The following MYT1L variants were observed in gnomAD, a reference collection of about 807,000 sequenced individuals.
MYT1L encodes the protein myelin transcription factor 1 like.
MYT1L carries 12 observed loss-of-function variants against 126.7 expected under a neutral mutation model. The observed-to-expected ratio is 0.09, with a 90% CI of 0.06 to 0.15. The LOEUF is 0.15. MYT1L is among the 10% of genes least tolerant of loss of function. The pLI is 1.00. For missense variants in MYT1L, 979 were observed against 1,585.2 expected, an observed-to-expected ratio of 0.62 and a Z score of 6.49; for synonymous variants, 541 against 604.2, an observed-to-expected ratio of 0.90 and a Z score of 1.53.
intron 19 of MYT1L, among the ~76,000 whole-genome samples, chr2:1,846,849 C>T (rs1023438903): frequency 6.6e-6 from 1 of 152,200 alleles, no homozygotes; most frequent in Non-Finnish European, 1.5e-5. Flanking sequence ...ACAAGGTTCC[C>T]AAGGCCCCCT....
chr2:2,205,796 C>G (rs1204843861), intron 2 of MYT1L, among the ~76,000 whole-genome samples: 3 of 152,220 alleles, frequency 2.0e-5, no homozygotes, highest in African/African-American at 7.2e-5. Flanking sequence ...CATCCCCCTT[C>G]TCTTCACATA....
chr2:1,884,820 C>A (rs1369476946), intron 18 of MYT1L, among the ~76,000 whole-genome samples: 2 of 152,228 alleles, frequency 1.3e-5, no homozygotes, highest in African/African-American at 4.8e-5. Flanking sequence ...CCCATGCGCA[C>A]CCTGCCCTGG....
chr2:2,222,434 T>C (rs1288061067), intron 2 of MYT1L, among the ~76,000 whole-genome samples: 1 of 151,958 alleles, frequency 6.6e-6, no homozygotes, highest in Non-Finnish European at 1.5e-5. Context: ...AGGCAGAGGT[T>C]GCAGTGAGAC....
intron 3 of MYT1L, among the ~76,000 whole-genome samples, chr2:2,127,349 T>C (rs368492760): frequency 2.6e-4 from 40 of 152,324 alleles, no homozygotes; most frequent in African/African-American, 9.4e-4. Flanking sequence ...GCCTCCTCGG[T>C]AAAGACAACA....
intron 23 of MYT1L, among the ~76,000 whole-genome samples, chr2:1,798,055 G>A (rs1171025140): frequency 1.6e-5 from 1 of 63,908 alleles, no homozygotes; most frequent in Non-Finnish European, 3.1e-5. Flanking sequence ...CCCCTTCTCC[G>A]GCACAGGCGC....
chr2:2,055,119 C>T (rs948352504), intron 3 of MYT1L, among the ~76,000 whole-genome samples: 4 of 152,242 alleles, frequency 2.6e-5, no homozygotes, highest in Admixed American at 6.5e-5. Context: ...AAAAAATACA[C>T]AAAACTATAT....
chr2:1,887,607 T>A lies in MYT1L; in HGVS notation c.2523A>T (p.Pro841=). 6.2e-7 allele frequency: 1 copy of A among 1,614,016 alleles called. No individual in the cohort carries two copies. The highest frequency in any genetic ancestry group is 8.5e-7 in the Non-Finnish European group (1 of 1,179,892). The part of the protein sequence containing the change: ...IDEDESKDIT[P]EDLDPFQEAL... ...CCTCCTGGAATGGGTCCAAGTCTTC[T>A]GGCTGTGGGCAAAACACAGCTTCAG... The change falls in exon 17 of 25, where the codon CCA becomes CCT. Residue 841 remains proline (P), a splice_region_variant and synonymous_variant. Coordinates refer to ENST00000647738, the MANE Select transcript of MYT1L (RefSeq NM_001303052.2). This position sits in a 1 kb window ranked among gnomAD's most constrained non-coding sequence, Gnocchi z 4.8.
intron 21 of MYT1L, among the ~76,000 whole-genome samples, chr2:1,838,032 C>T (rs1341675657): frequency 6.6e-6 from 1 of 152,068 alleles, no homozygotes; most frequent in African/African-American, 2.4e-5. Context: ...CTGCCTCAGC[C>T]TCCCGAGTAG....
intron 2 of MYT1L, among the ~76,000 whole-genome samples, chr2:2,202,110 A>G (rs1220399904): frequency 6.6e-6 from 1 of 152,116 alleles, no homozygotes; most frequent in Non-Finnish European, 1.5e-5. Context: ...TCTCTGGGAC[A>G]CATTCAAAGC....
intron 4 of MYT1L, among the ~76,000 whole-genome samples, chr2:2,009,188 T>C (rs1184025038): frequency 1.3e-5 from 2 of 152,012 alleles, no homozygotes; most frequent in African/African-American, 4.8e-5. Flanking sequence ...TGGAGTTTTT[T>C]GTGGTTCTAC....
At chr2:1,905,794 A>G (rs1451366792) in intron 13 of MYT1L, among the ~76,000 whole-genome samples, 1 of 152,256 alleles carries the variant, frequency 6.6e-6, no homozygotes, top group African/African-American at 2.4e-5. Flanking sequence ...ACAAACGTGT[A>G]CTGTTTAGGA....
chr2:2,154,664 C>G (rs529304982), intron 3 of MYT1L, among the ~76,000 whole-genome samples: 139 of 152,240 alleles, frequency 9.1e-4, no homozygotes, highest in Non-Finnish European at 1.8e-3. Context: ...ACAAAAGACA[C>G]TGAGGCCTTC....
intron 9 of MYT1L, among the ~76,000 whole-genome samples, chr2:1,924,622 C>T (rs1196180820): frequency 6.6e-6 from 1 of 152,166 alleles, no homozygotes; most frequent in African/African-American, 2.4e-5. Flanking sequence ...CTTATTATCC[C>T]ACGCTGAAGG....
intron 2 of MYT1L, among the ~76,000 whole-genome samples, chr2:2,221,648 G>T (rs2148988528): frequency 6.6e-6 from 1 of 152,306 alleles, no homozygotes; most frequent in East Asian, 1.9e-4. Context: ...GGCTCCCTCA[G>T]GTCCATTACC....
intron 4 of MYT1L, among the ~76,000 whole-genome samples, chr2:2,042,153 A>G (rs1357647976): frequency 6.6e-6 from 1 of 152,200 alleles, no homozygotes; most frequent in Non-Finnish European, 1.5e-5. Flanking sequence ...GATGAACCCC[A>G]GATGCTCTAA....
intron 18 of MYT1L, among the ~76,000 whole-genome samples, chr2:1,869,427 G>T (rs1227833486): frequency 6.6e-6 from 1 of 152,262 alleles, no homozygotes. Context: ...GAGGCTCCTT[G>T]TCCTGTGCAC....
chr2:2,156,906 G>C (rs1294302999), intron 3 of MYT1L, among the ~76,000 whole-genome samples: 1 of 152,202 alleles, frequency 6.6e-6, no homozygotes, highest in South Asian at 2.1e-4. Context: ...ATGTTTTAAT[G>C]GGACCTTGTC....
At chr2:2,115,384 C>A (rs1012085899) in intron 3 of MYT1L, among the ~76,000 whole-genome samples, 1 of 152,148 alleles carries the variant, frequency 6.6e-6, no homozygotes, top group African/African-American at 2.4e-5. Context: ...ATTTATAGAA[C>A]CCCCACAATA....
chr2:2,002,003 G>A (rs761193187), intron 4 of MYT1L, among the ~76,000 whole-genome samples: 13 of 152,148 alleles, frequency 8.5e-5, no homozygotes, highest in African/African-American at 1.9e-4. Context: ...TCTTGATCCC[G>A]TGTGCACATC....
Sources: gnomAD v4.1 joint callset for allele counts (sites outside exome capture counted in the v4.1 genomes callset) on GRCh38, gnomAD v4.1.1 for gene constraint, Gnocchi (gnomAD v3.1) non-coding constraint, MANE v1.5 for transcripts, NCBI Gene and HGNC (gene_info 2026-07-23, HGNC 2026-07-21) for gene names.